GLS: variants seen among roughly 807,000 people sequenced by gnomAD.
GLS encodes the protein glutaminase kidney isoform, mitochondrial.
GLS carries 36 observed loss-of-function variants against 86.7 expected under a neutral mutation model. The observed-to-expected ratio is 0.42, with a 90% CI of 0.32 to 0.55. The LOEUF is 0.55. GLS is among the 20% of genes least tolerant of loss of function. The pLI, the probability that GLS is intolerant of heterozygous loss-of-function variation, is 0.17. For missense variants in GLS, 528 were observed against 833.4 expected, an observed-to-expected ratio of 0.63 and a Z score of 4.51; for synonymous variants, 317 against 305.9, an observed-to-expected ratio of 1.04 and a Z score of -0.38.
Position 190,913,362 on chromosome 2 carries a change from T to C in GLS, c.1038+3041T>C, listed in dbSNP as rs1259409085. 1 of 1,091,946 alleles carries C rather than the reference T, an allele frequency of 9.2e-7. No individual in the cohort carries two copies. The highest frequency in any genetic ancestry group is 6.2e-5 in the East Asian group (1 of 16,194). 67.6% of individuals were successfully genotyped at this position (1,091,946 alleles called of 1,614,324 possible). A position where few individuals can be genotyped will look rare whatever the true frequency, so the allele number is the denominator to read the frequency against. On this transcript the variant is annotated intron_variant, in intron 7 of 17. Transcript: ENST00000320717. This position sits in a 1 kb window ranked among gnomAD's most constrained non-coding sequence, Gnocchi z 6.1. ...ATTTAAAATTTTAAACAAAGCTATATAGGTAAATACCTTTTTAAAAACAAA... is the reference window on the plus strand; with the variant it reads ...ATTTAAAATTTTAAACAAAGCTATACAGGTAAATACCTTTTTAAAAACAAA...
intron 1 of GLS, among the ~76,000 whole-genome samples, chr2:190,889,020 G>A (rs2125977283): frequency 6.6e-6 from 1 of 152,336 alleles, no homozygotes; most frequent in Middle Eastern, 3.4e-3. Context: ...AAGTATGTAA[G>A]TTGTGAGTGA....
chr2:190,880,920 A>AGCAGCACCC lies in GLS; in HGVS notation c.-165_-164insGCAGCACCC, dbSNP rs71030311. 2.1e-6 allele frequency: 2 copies of AGCAGCACCC among 933,614 alleles called. No homozygotes were observed. Among genetic ancestry groups the AGCAGCACCC allele is most frequent in the Admixed American group, 2.1e-5 (1 of 47,154 alleles). 57.8% of individuals were successfully genotyped at this position (933,614 alleles called of 1,614,324 possible). A position where few individuals can be genotyped will look rare whatever the true frequency, so the allele number is the denominator to read the frequency against. ...CAGCAGCAGCAGCAGCAGCAGCAGC[A>AGCAGCACCC]CCCGCATCCGCTGCGGGAGTCCGAG... is the stretch of plus-strand genomic sequence containing the variant. On this transcript the variant is annotated 5_prime_UTR_variant, in exon 1 of 18. Coordinates refer to ENST00000320717, the MANE Select transcript of GLS (RefSeq NM_014905.5).
chr2:190,925,582 TAC>T (rs1259380458), intron 11 of GLS, among the ~76,000 whole-genome samples: 1 of 152,250 alleles, frequency 6.6e-6, no homozygotes, highest in African/African-American at 2.4e-5. Flanking sequence ...CATAGGAGGC[TAC>T]ATTATTGTTA....
chr2:190,942,919 A>G (rs1447576802), intron 14 of GLS, among the ~76,000 whole-genome samples: 1 of 152,184 alleles, frequency 6.6e-6, no homozygotes, highest in African/African-American at 2.4e-5. Context: ...AATCACGCCT[A>G]TCAACTTAGA....
intron 6 of GLS, among the ~76,000 whole-genome samples, chr2:190,906,962 C>T (rs1402907727): frequency 6.8e-5 from 10 of 147,032 alleles, no homozygotes; most frequent in African/African-American, 2.0e-4. Context: ...TGGTGTCTGG[C>T]TCTGTCCCCC....
At chr2:190,887,339 A>G (rs1388638869) in intron 1 of GLS, among the ~76,000 whole-genome samples, 4 of 151,986 alleles carry the variant, frequency 2.6e-5, no homozygotes, top group Non-Finnish European at 5.9e-5. Context: ...GACCCCCTAC[A>G]ACGTAGTAGA....
intron 14 of GLS, chr2:190,934,992 CCACT>C (rs1303934957): frequency 2.1e-6 from 2 of 953,822 alleles, no homozygotes; most frequent in Non-Finnish European, 1.2e-6. Flanking sequence ...TTGATAGTAC[CCACT>C]ATTATTGGGT....
At chr2:190,909,654 G>C (rs943609690) in intron 6 of GLS, among the ~76,000 whole-genome samples, 1 of 152,140 alleles carries the variant, frequency 6.6e-6, no homozygotes, top group Non-Finnish European at 1.5e-5. Context: ...AGAAGAAATA[G>C]GAGTTTGGAT....
chr2:190,931,650 C>G lies in GLS; in HGVS notation c.1650+13C>G. The G allele has an allele frequency of 7.9e-7, 1 of 1,266,178 alleles. No individual in the cohort carries two copies. The highest frequency in any genetic ancestry group is 1.1e-6 in the Non-Finnish European group (1 of 879,094). The allele number at this position is 1,266,178 out of a possible 1,614,324, so 78.4% of individuals were successfully genotyped here. A position where few individuals can be genotyped will look rare whatever the true frequency, so the allele number is the denominator to read the frequency against. On this transcript the variant is annotated intron_variant, in intron 14 of 17. Coordinates refer to ENST00000320717, the MANE Select transcript of GLS (RefSeq NM_014905.5). Reference sequence around the variant, plus strand: ...TGGTGATCAAAGGGTAAGCAAAATTCTTATTTAGATAAGTATATAAAATTT... The same window carrying G: ...TGGTGATCAAAGGGTAAGCAAAATTGTTATTTAGATAAGTATATAAAATTT...
At chr2:190,916,902 G>T (rs1689552382) in intron 7 of GLS, among the ~76,000 whole-genome samples, 1 of 152,150 alleles carries the variant, frequency 6.6e-6, no homozygotes, top group Admixed American at 6.6e-5. Flanking sequence ...GGTAAGAAAT[G>T]CTAAGGATCA....
At position 190,881,184 on chromosome 2, in the gene GLS, C is replaced by A; in HGVS notation, c.100C>A (p.Leu34Met). 1 of 1,400,008 alleles carries A rather than the reference C, an allele frequency of 7.1e-7. No homozygotes were observed. The highest frequency in any genetic ancestry group is 3.0e-5 in the Admixed American group (1 of 32,818). 86.7% of individuals were successfully genotyped at this position (1,400,008 alleles called of 1,614,324 possible). ...TLRRAQPLVT[L>M]CRRPRGGGRP... ...GCGGCGGGCACAGCCCTTGGTCACC[C>A]TGTGCCGGCGTCCCCGAGGCGGGGG... The change falls in exon 1 of 18, where the codon CTG becomes ATG. Residue 34 changes from leucine to methionine, a missense_variant. Leu to Met is a conservative substitution (Grantham distance 15, BLOSUM62 2). Coordinates refer to ENST00000320717, the MANE Select transcript of GLS (RefSeq NM_014905.5).
intron 14 of GLS, among the ~76,000 whole-genome samples, chr2:190,937,793 T>C (rs375498658): frequency 6.6e-6 from 1 of 150,624 alleles, no homozygotes; most frequent in Non-Finnish European, 1.5e-5. Flanking sequence ...ATGAATAGGA[T>C]ACTAATTAGC....
rs1196723464 is a variant in GLS at position 190,913,319 on chromosome 2, T to G, written c.1038+2998T>G. The G allele has an allele frequency of 8.1e-7, 1 of 1,230,776 alleles. No individual in the cohort carries two copies. The highest frequency in any genetic ancestry group is 5.7e-5 in the East Asian group (1 of 17,434). 76.2% of individuals were successfully genotyped at this position (1,230,776 alleles called of 1,614,324 possible). ...TTGCATAAATTCTTAACTACTAAGC[T>G]TATAGGAAAACTCCAATATTTAAAA... On this transcript the variant is annotated intron_variant, in intron 7 of 17. Coordinates refer to ENST00000320717, the MANE Select transcript of GLS (RefSeq NM_014905.5). This position sits in a 1 kb window ranked among gnomAD's most constrained non-coding sequence, Gnocchi z 6.1.
chr2:190,887,224 G>A lies in GLS; in HGVS notation c.386+5754G>A, dbSNP rs115596445. Among the ~76,000 whole-genome samples, 544 of 152,262 alleles carry A rather than the reference G, an allele frequency of 3.6e-3. 6 individuals carry two copies. Among genetic ancestry groups the A allele is most frequent in the African/African-American group, 0.012 (514 of 41,540 alleles). On this transcript the variant is annotated intron_variant, in intron 1 of 17. Transcript: ENST00000320717. Reference sequence around the variant, plus strand: ...CAGTGAGGTACATAGCTTTCACATAGAGATACTGTTAGTACAGTTTTACCC... The same window carrying A: ...CAGTGAGGTACATAGCTTTCACATAAAGATACTGTTAGTACAGTTTTACCC...
intron 17 of GLS, among the ~76,000 whole-genome samples, chr2:190,960,608 T>C (rs1690978574): frequency 6.6e-6 from 1 of 152,008 alleles, no homozygotes; most frequent in South Asian, 2.1e-4. Context: ...ACTCCTGGGC[T>C]CAAGCGGTCC....
rs1185682311 is a variant in GLS at position 190,947,314 on chromosome 2, C to G, written c.1651-6251C>G. 1.3e-5 allele frequency among the ~76,000 whole-genome samples: 2 copies of G among 152,154 alleles called. No individual in the cohort carries two copies. The highest frequency in any genetic ancestry group is 4.8e-5 in the African/African-American group (2 of 41,430). ...GTGAGATTTGCTATGCCAAGCATGC[C>G]AGTGTTAAGTGAACTCATGTGAACT... is the stretch of plus-strand genomic sequence containing the variant. On this transcript the variant is annotated intron_variant, in intron 14 of 17. Coordinates refer to ENST00000320717, the MANE Select transcript of GLS (RefSeq NM_014905.5). This position sits in a 1 kb window ranked among gnomAD's most constrained non-coding sequence, Gnocchi z 5.0.
At chr2:190,882,792 T>C (rs918206084) in intron 1 of GLS, among the ~76,000 whole-genome samples, 3 of 152,244 alleles carry the variant, frequency 2.0e-5, no homozygotes, top group African/African-American at 7.2e-5. Flanking sequence ...TTATTTAATA[T>C]CTTGGGTTAG....
chr2:190,889,012 G>C (rs1410196682), intron 1 of GLS, among the ~76,000 whole-genome samples: 1 of 152,204 alleles, frequency 6.6e-6, no homozygotes, highest in Non-Finnish European at 1.5e-5. Context: ...TAAAATAAAA[G>C]TATGTAAGTT....
At position 190,931,580 on chromosome 2, in the gene GLS, T is replaced by C; in HGVS notation, c.1593T>C (p.Asp531=). 6.3e-7 allele frequency: 1 copy of C among 1,582,256 alleles called. No homozygotes were observed. Among genetic ancestry groups the C allele is most frequent in the Non-Finnish European group, 8.7e-7 (1 of 1,153,378 alleles). The change falls in exon 14 of 18, where the codon GAT becomes GAC. Residue 531 remains aspartate, a synonymous_variant. Transcript: ENST00000320717. ...LVSLCNFHNY[D]NLRHFAKKLD... ...CTCTGTGTAATTTCCATAACTATGA[T>C]AATTTGAGACACTTTGCAAAAAAAC...
Sources: allele counts gnomAD v4.1 joint callset (sites outside exome capture counted in the v4.1 genomes callset), GRCh38; gene constraint gnomAD v4.1.1; non-coding constraint Gnocchi (gnomAD v3.1); transcripts MANE v1.5; gene names NCBI Gene and HGNC (gene_info 2026-07-23, HGNC 2026-07-21).